APLF: variants seen among roughly 807,000 people sequenced by gnomAD.
APLF encodes the protein aprataxin and PNK-like factor.
APLF carries 61 observed loss-of-function variants against 55.6 expected under a neutral mutation model. The observed-to-expected ratio is 1.10, with a 90% CI of 0.89 to 1.36. APLF has a LOEUF of 1.36. Ranked by LOEUF, APLF falls within the 40% of genes most tolerant of loss-of-function variation. The pLI is 0.00. For synonymous variants in APLF, 207 were observed against 214.8 expected (o/e 0.96, Z 0.32); for missense variants, 611 against 602.5 (o/e 1.01, Z -0.15).
chr2:68,513,105 A>G lies in APLF; in HGVS notation c.367A>G (p.Asn123Asp). Residue 123 changes from asparagine to aspartate, a missense_variant, in exon 4 of 10, where the codon AAT (asparagine) becomes GAT (aspartate). Physicochemically the swap from Asn to Asp is conservative, Grantham distance 23. Coordinates refer to ENST00000303795, the MANE Select transcript of APLF (RefSeq NM_173545.3). ...LRNSQVLDED[N>D]ILNETPKSPV... ...AAACAGTCAAGTGCTTGATGAAGAT[A>G]ATATATTGAATGAAACACCAAAATC... The G allele has an allele frequency of 6.2e-7, 1 of 1,609,574 alleles. No individual in the cohort carries two copies. The highest frequency in any genetic ancestry group is 2.2e-5 in the East Asian group (1 of 44,792).
intron 2 of APLF, among the ~76,000 whole-genome samples, chr2:68,500,280 G>A (rs1019615380): frequency 6.6e-6 from 1 of 152,128 alleles, no homozygotes; most frequent in African/African-American, 2.4e-5. Flanking sequence ...GGAATCTCCT[G>A]TATTAACAGT....
In APLF at chr2:68,564,308, T is replaced by C. The variant is rs75039136; in HGVS notation, c.1287-3033T>C. Among the ~76,000 whole-genome samples, 344 of 152,254 alleles carry C rather than the reference T, an allele frequency of 2.3e-3. 1 individual carries two copies. Among genetic ancestry groups the C allele is most frequent in the African/African-American group, 7.6e-3 (314 of 41,546 alleles). On this transcript the variant is annotated intron_variant, in intron 8 of 9. Coordinates refer to ENST00000303795, the MANE Select transcript of APLF (RefSeq NM_173545.3). ...TTTTCATCAAAAGGTCAAATTTGGG[T>C]TAGTTATGCTAAACACACAATCTTG...
At chr2:68,502,997 A>C in intron 3 of APLF, 94 bp downstream of exon 3, 1 of 1,315,340 alleles carries the variant, frequency 7.6e-7, no homozygotes. Flanking sequence ...AGAAACCATT[A>C]AACTGGAGAT....
rs1359131199 is a variant in APLF at position 68,579,836 on chromosome 2, GA to G, written c.*1815del. ...ATGAGTATAGGATTTCCTTTTGAGT[GA>G]TAAAAATGTTCTAAGATTAGATGGC... On this transcript the variant is annotated 3_prime_UTR_variant, in exon 10 of 10. Coordinates refer to ENST00000303795, the MANE Select transcript of APLF (RefSeq NM_173545.3). The G allele has an allele frequency of 9.2e-6, 2 of 217,232 alleles. No individual in the cohort carries two copies. The highest frequency in any genetic ancestry group is 1.6e-5 in the Non-Finnish European group (2 of 127,792). 13.5% of individuals were successfully genotyped at this position (217,232 alleles called of 1,614,324 possible).
At chr2:68,516,349 C>T (rs1262828608) in intron 5 of APLF, among the ~76,000 whole-genome samples, 1 of 151,430 alleles carries the variant, frequency 6.6e-6, no homozygotes, top group Non-Finnish European at 1.5e-5. Flanking sequence ...ACTCTTTAAT[C>T]CTTTATATGT....
At chr2:68,543,608 A>G (rs1448583719) in intron 7 of APLF, among the ~76,000 whole-genome samples, 1 of 152,216 alleles carries the variant, frequency 6.6e-6, no homozygotes, top group African/African-American at 2.4e-5. Context: ...AGGAAAATGC[A>G]TATAGATGTG....
intron 7 of APLF, among the ~76,000 whole-genome samples, chr2:68,542,394 A>C (rs1221738724): frequency 6.6e-6 from 1 of 152,220 alleles, no homozygotes; most frequent in Non-Finnish European, 1.5e-5. Context: ...AAATATTTGC[A>C]AATTATATAT....
At chr2:68,544,960 C>T (rs931875550) in intron 7 of APLF, among the ~76,000 whole-genome samples, 1 of 152,038 alleles carries the variant, frequency 6.6e-6, no homozygotes, top group Non-Finnish European at 1.5e-5. Flanking sequence ...TCACATGACA[C>T]CAGAAATGTA....
At chr2:68,486,455 T>G (rs1342956168) in intron 1 of APLF, among the ~76,000 whole-genome samples, 1 of 152,134 alleles carries the variant, frequency 6.6e-6, no homozygotes, top group Non-Finnish European at 1.5e-5. Context: ...TTTTAGTATT[T>G]CCCAGTAAAA....
intron 8 of APLF, among the ~76,000 whole-genome samples, chr2:68,565,819 G>T (rs1671293573): frequency 6.6e-6 from 1 of 151,996 alleles, no homozygotes; most frequent in Admixed American, 6.6e-5. Context: ...ACTCATAAAG[G>T]AATTTATAAG....
At chr2:68,478,079 T>G (rs1157745667) in intron 1 of APLF, among the ~76,000 whole-genome samples, 1 of 151,802 alleles carries the variant, frequency 6.6e-6, no homozygotes, top group Non-Finnish European at 1.5e-5. Flanking sequence ...AAACCTTGAT[T>G]AACACACCAT....
chr2:68,517,602 CAG>C (rs1669658834), intron 5 of APLF, among the ~76,000 whole-genome samples: 1 of 142,948 alleles, frequency 7.0e-6, no homozygotes. Context: ...TAACATGTAA[CAG>C]TATATCACTA....
chr2:68,547,983 G>C (rs1670750291), intron 8 of APLF, among the ~76,000 whole-genome samples: 1 of 151,740 alleles, frequency 6.6e-6, no homozygotes, highest in African/African-American at 2.4e-5. Flanking sequence ...TGGATCCAGA[G>C]ACTAAAATGG....
chr2:68,507,014 C>T (rs1676890111), intron 3 of APLF, among the ~76,000 whole-genome samples: 1 of 151,794 alleles, frequency 6.6e-6, no homozygotes, highest in Non-Finnish European at 1.5e-5. Context: ...CTAATGTTTA[C>T]TTTTGGAGAA....
chr2:68,542,232 C>T (rs777365615), intron 7 of APLF, among the ~76,000 whole-genome samples: 6 of 152,084 alleles, frequency 3.9e-5, no homozygotes, highest in African/African-American at 7.2e-5. Context: ...AGCTTCATGA[C>T]ATTGGATTTG....
intron 5 of APLF, among the ~76,000 whole-genome samples, chr2:68,519,033 T>G (rs1205394519): frequency 8.0e-6 from 1 of 124,290 alleles, no homozygotes; most frequent in Non-Finnish European, 1.6e-5. Flanking sequence ...TAATATATGA[T>G]TAATATATAA....
At chr2:68,503,953 C>T (rs1676798699) in intron 3 of APLF, among the ~76,000 whole-genome samples, 1 of 151,844 alleles carries the variant, frequency 6.6e-6, no homozygotes, top group Admixed American at 6.6e-5. Flanking sequence ...GTAAGGCTTA[C>T]TGAGAAAAAA....
chr2:68,478,172 AAAAG>A (rs1201682333), intron 1 of APLF, among the ~76,000 whole-genome samples: 2 of 152,184 alleles, frequency 1.3e-5, no homozygotes. Context: ...GCAGAAAAAA[AAAAG>A]AAAAGAAAAA....
At chr2:68,548,345 A>C (rs1165138935) in intron 8 of APLF, among the ~76,000 whole-genome samples, 2 of 151,980 alleles carry the variant, frequency 1.3e-5, no homozygotes, top group Non-Finnish European at 2.9e-5. Flanking sequence ...TTTGCAACCC[A>C]CATAATTGAC....
Sources: allele counts gnomAD v4.1 joint callset (sites outside exome capture counted in the v4.1 genomes callset), GRCh38; gene constraint gnomAD v4.1.1; transcripts MANE v1.5; gene names NCBI Gene and HGNC (gene_info 2026-07-23, HGNC 2026-07-21).